Variants in MYT1L observed in about 807,000 individuals in gnomAD.
The protein encoded by MYT1L is myelin transcription factor 1 like, also known as myelin transcription factor 1-like protein.
A neutral mutation model predicts 126.7 loss-of-function variants in MYT1L; 12 were observed. That is an observed-to-expected ratio of 0.09 (90% CI 0.06 to 0.15). MYT1L has a LOEUF of 0.15. Ranked by LOEUF, MYT1L falls within the 10% of genes least tolerant of loss-of-function variation. MYT1L has a pLI of 1.00. For missense variants in MYT1L, 979 were observed against 1,585.2 expected (o/e 0.62, Z 6.49); for synonymous variants, 541 against 604.2 (o/e 0.90, Z 1.53).
chr2:1,884,709 G>C (rs1460940916), intron 18 of MYT1L, among the ~76,000 whole-genome samples: 2 of 152,204 alleles, frequency 1.3e-5, no homozygotes, highest in South Asian at 4.1e-4. Flanking sequence ...GATAGGTTTA[G>C]ACACATGTGT....
intron 9 of MYT1L, 66 bp downstream of exon 9, chr2:1,942,916 G>A (rs935932728): frequency 6.9e-6 from 10 of 1,458,436 alleles, no homozygotes; most frequent in Non-Finnish European, 9.1e-6. Flanking sequence ...AGTAACAGCC[G>A]GCAATTCACC....
intron 18 of MYT1L, among the ~76,000 whole-genome samples, chr2:1,859,298 T>A (rs191302027): frequency 1.1e-3 from 174 of 152,340 alleles, no homozygotes; most frequent in African/African-American, 4.0e-3. Flanking sequence ...ACACCTTTCT[T>A]TCTTTTGGTT....
chr2:1,893,822 C>A (rs902361390), intron 14 of MYT1L, among the ~76,000 whole-genome samples: 11 of 152,172 alleles, frequency 7.2e-5, no homozygotes, highest in African/African-American at 2.2e-4. Flanking sequence ...AAGAAGGAGT[C>A]CTCATTGACA....
rs1352413891 is a variant in MYT1L, at chr2:1,943,287, T to C, written c.200A>G (p.Gln67Arg). ...LAKKRKTQDKQPQEPAPKRKP... is the reference protein window; with the variant it reads ...LAKKRKTQDKRPQEPAPKRKP... ...TCGTTTAGGAGCAGGTTCCTGGGGC[T>C]GTTTATCTTGTGTTTTTCTTTTTTT... is the stretch of plus-strand genomic sequence containing the variant. Residue 67 changes from glutamine (Q) to arginine (R), a missense_variant, in exon 9 of 25, where the codon CAG becomes CGG. Gln to Arg is a conservative substitution (Grantham distance 43). Coordinates refer to ENST00000647738, the MANE Select transcript of MYT1L (RefSeq NM_001303052.2). The surrounding 1 kb of genome is among the most constrained non-coding windows in gnomAD (Gnocchi z 4.4). The C allele has an allele frequency of 1.0e-5, 16 of 1,568,662 alleles. No homozygotes were observed. The highest frequency in any genetic ancestry group is 1.4e-5 in the Non-Finnish European group (16 of 1,155,958).
chr2:1,804,399 GGCGTGAGCCACC>G (rs1258701085), intron 22 of MYT1L, among the ~76,000 whole-genome samples: 1 of 152,140 alleles, frequency 6.6e-6, no homozygotes, highest in Non-Finnish European at 1.5e-5. Context: ...TGGGATTACA[GGCGTGAGCCACC>G]GCGCCCAGCC....
chr2:2,085,792 G>C (rs1428954554), intron 3 of MYT1L, among the ~76,000 whole-genome samples: 1 of 152,134 alleles, frequency 6.6e-6, no homozygotes, highest in Non-Finnish European at 1.5e-5. Flanking sequence ...CTTCCACATG[G>C]GGTGCTGGAA....
chr2:2,290,083 A>G (rs2095577266), intron 1 of MYT1L, among the ~76,000 whole-genome samples: 2 of 152,224 alleles, frequency 1.3e-5, no homozygotes, highest in African/African-American at 4.8e-5. Context: ...ACGCTGCCAC[A>G]TGAGCTCATG....
At chr2:2,278,291 G>C (rs1053976706) in intron 2 of MYT1L, among the ~76,000 whole-genome samples, 5 of 152,182 alleles carry the variant, frequency 3.3e-5, no homozygotes, top group Non-Finnish European at 7.3e-5. Flanking sequence ...ATGAAACTGA[G>C]AGGCAGAGAG....
intron 3 of MYT1L, among the ~76,000 whole-genome samples, chr2:2,110,903 C>T (rs2079358367): frequency 6.6e-6 from 1 of 152,108 alleles, no homozygotes; most frequent in Non-Finnish European, 1.5e-5. Context: ...CTCAGGCCAC[C>T]CCAGGGCGGG....
intron 4 of MYT1L, among the ~76,000 whole-genome samples, chr2:2,001,237 C>CTTTT (rs11389323): frequency 9.6e-6 from 1 of 103,910 alleles, no homozygotes; most frequent in African/African-American, 3.8e-5. Context: ...TTGGTTTTAG[C>CTTTT]TTTTTTTTTT....
chr2:2,170,460 C>G (rs1284696374), intron 3 of MYT1L, among the ~76,000 whole-genome samples: 5 of 152,218 alleles, frequency 3.3e-5, no homozygotes, highest in Non-Finnish European at 1.5e-5. Flanking sequence ...CAGTGATGAG[C>G]AGTTGCACGG....
At chr2:2,258,090 A>C (rs1413651866) in intron 2 of MYT1L, among the ~76,000 whole-genome samples, 1 of 58,026 alleles carries the variant, frequency 1.7e-5, no homozygotes, top group Non-Finnish European at 3.1e-5. Flanking sequence ...ATAATGCCGC[A>C]TATCTACAAC....
At chr2:1,973,773 C>T (rs780062734) in intron 8 of MYT1L, among the ~76,000 whole-genome samples, 3 of 152,174 alleles carry the variant, frequency 2.0e-5, no homozygotes, top group Non-Finnish European at 2.9e-5. Flanking sequence ...GGCCTCACCC[C>T]GTGATGCTTC....
intron 13 of MYT1L, among the ~76,000 whole-genome samples, chr2:1,903,542 T>C (rs908718230): frequency 1.3e-5 from 2 of 152,306 alleles, no homozygotes; most frequent in Non-Finnish European, 2.9e-5. Flanking sequence ...TCTTTAAATA[T>C]GTCCTTTTTT....
intron 3 of MYT1L, among the ~76,000 whole-genome samples, chr2:2,128,227 A>G (rs2081959270): frequency 6.6e-6 from 1 of 152,016 alleles, no homozygotes; most frequent in Non-Finnish European, 1.5e-5. Context: ...GCTCAGTGCA[A>G]TCTCCACCTC....
intron 4 of MYT1L, among the ~76,000 whole-genome samples, chr2:2,014,284 C>T (rs1447366165): frequency 1.3e-5 from 2 of 151,828 alleles, no homozygotes; most frequent in Non-Finnish European, 2.9e-5. Context: ...AATAACCAGC[C>T]CTTGTCCTTG....
chr2:2,158,652 T>C (rs1163867876), intron 3 of MYT1L, among the ~76,000 whole-genome samples: 1 of 138,786 alleles, frequency 7.2e-6, no homozygotes, highest in Non-Finnish European at 1.6e-5. Context: ...CACACACGCG[T>C]AGGTGGACAC....
At chr2:2,053,066 A>G (rs976277818) in intron 4 of MYT1L, among the ~76,000 whole-genome samples, 3 of 152,226 alleles carry the variant, frequency 2.0e-5, no homozygotes, top group Non-Finnish European at 2.9e-5. Flanking sequence ...ACAGTGGACT[A>G]TTATTCAGCC....
chr2:2,213,685 T>A (rs1408313446), intron 2 of MYT1L, among the ~76,000 whole-genome samples: 1 of 152,192 alleles, frequency 6.6e-6, no homozygotes, highest in Admixed American at 6.5e-5. Context: ...GCCTAGCAAA[T>A]GTAAAAAGCT....
Sources: allele counts gnomAD v4.1 joint callset (sites outside exome capture counted in the v4.1 genomes callset), GRCh38; gene constraint gnomAD v4.1.1; non-coding constraint Gnocchi (gnomAD v3.1); transcripts MANE v1.5; gene names NCBI Gene and HGNC (gene_info 2026-07-23, HGNC 2026-07-21).